Variants in CFAP299 observed in about 807,000 individuals in gnomAD.
The protein encoded by CFAP299 is cilia and flagella associated protein 299.
Under a neutral mutation model 27.0 loss-of-function variants are expected in CFAP299, and 21 were observed. That is an observed-to-expected ratio of 0.78 (90% CI 0.55 to 1.12). CFAP299 has a LOEUF of 1.12. Ranked by LOEUF, CFAP299 falls within the 50% of genes most tolerant of loss-of-function variation. The probability of loss-of-function intolerance (pLI) is 0.00; values close to 1 mark genes in which losing one functional copy is unlikely to be tolerated. For synonymous variants in CFAP299, 104 were observed against 98.1 expected, an observed-to-expected ratio of 1.06 and a Z score of -0.36; for missense variants, 310 against 276.6, an observed-to-expected ratio of 1.12 and a Z score of -0.86.
At chr4:80,687,834 C>CCGTG (rs1185221157) in intron 3 of CFAP299, among the ~76,000 whole-genome samples, 7 of 152,106 alleles carry the variant, frequency 4.6e-5, no homozygotes, top group African/African-American at 1.7e-4. Flanking sequence ...GGTGCGCGCA[C>CCGTG]CGTGCGCAAG....
intron 4 of CFAP299, among the ~76,000 whole-genome samples, chr4:80,931,113 C>T (rs928755216): frequency 7.9e-5 from 12 of 151,936 alleles, no homozygotes; most frequent in African/African-American, 2.7e-4. Flanking sequence ...ATATCCTCTC[C>T]ATTGATTTTA....
intron 2 of CFAP299, among the ~76,000 whole-genome samples, chr4:80,377,924 A>T (rs1284677480): frequency 6.6e-6 from 1 of 152,178 alleles, no homozygotes; most frequent in Non-Finnish European, 1.5e-5. Flanking sequence ...CAGTGGCAAG[A>T]CAATAATGAG....
chr4:80,857,112 T>A (rs1275757829), intron 3 of CFAP299, among the ~76,000 whole-genome samples: 1 of 152,240 alleles, frequency 6.6e-6, no homozygotes, highest in Non-Finnish European at 1.5e-5. Flanking sequence ...CTTGAAGATG[T>A]CCTTCACATC....
chr4:80,718,451 C>T (rs1041780002), intron 3 of CFAP299, among the ~76,000 whole-genome samples: 8 of 151,902 alleles, frequency 5.3e-5, no homozygotes, highest in East Asian at 1.9e-4. Context: ...GGAATTGTGC[C>T]TCTGTGTAGT....
In CFAP299 at chr4:80,884,355, A is replaced by G. The variant is rs373500374; in HGVS notation, c.476+14220A>G. On this transcript the variant is annotated intron_variant, in intron 4 of 5. Coordinates refer to ENST00000358105, the MANE Select transcript of CFAP299 (RefSeq NM_152770.3). Reference sequence around the variant, plus strand: ...ATTATGAAACTAGATATAAATAGGAATAACTTTGGAAAAACCCACAAATAA... The same window carrying G: ...ATTATGAAACTAGATATAAATAGGAGTAACTTTGGAAAAACCCACAAATAA... Among the ~76,000 whole-genome samples the G allele has an allele frequency of 7.2e-5, 11 of 152,338 alleles. No homozygotes were observed. In the East Asian group the frequency reaches 1.2e-3, roughly 16 times the overall value.
chr4:80,412,763 C>T (rs1377727038), intron 2 of CFAP299, among the ~76,000 whole-genome samples: 1 of 152,204 alleles, frequency 6.6e-6, no homozygotes, highest in Non-Finnish European at 1.5e-5. Flanking sequence ...TGCCTTGACA[C>T]ACACACACAT....
At chr4:80,337,802 T>C (rs914840629) in intron 1 of CFAP299, among the ~76,000 whole-genome samples, 11 of 152,188 alleles carry the variant, frequency 7.2e-5, no homozygotes, top group African/African-American at 2.4e-4. Context: ...TTAAGCTTAT[T>C]TTTGTTGTAC....
chr4:80,604,236 T>C (rs67865167), intron 3 of CFAP299, among the ~76,000 whole-genome samples: 37,489 of 151,928 alleles, frequency 0.25, 6,135 homozygotes, highest in African/African-American at 0.44. Flanking sequence ...TATCTTTTGA[T>C]TGTCAAAAGC....
At chr4:80,568,938 AG>A (rs1735446502) in intron 2 of CFAP299, among the ~76,000 whole-genome samples, 1 of 152,104 alleles carries the variant, frequency 6.6e-6, no homozygotes, top group Non-Finnish European at 1.5e-5. Flanking sequence ...AGCCTCAGTA[AG>A]TAAATTGTAA....
chr4:80,917,360 T>C (rs915428801), intron 4 of CFAP299, among the ~76,000 whole-genome samples: 9 of 152,190 alleles, frequency 5.9e-5, no homozygotes, highest in African/African-American at 2.2e-4. Context: ...TATTCAAAAT[T>C]CTATTATCAT....
At chr4:80,644,628 G>A (rs1739899741) in intron 3 of CFAP299, among the ~76,000 whole-genome samples, 1 of 152,174 alleles carries the variant, frequency 6.6e-6, no homozygotes, top group Non-Finnish European at 1.5e-5. Context: ...AACAATGTAA[G>A]TATTTGTCTA....
chr4:80,381,380 A>T (rs867069769), intron 2 of CFAP299, among the ~76,000 whole-genome samples: 136 of 3,868 alleles, frequency 0.035, 24 homozygotes, highest in African/African-American at 0.042. Context: ...TAACATATAC[A>T]TTTTTTTTTT....
intron 4 of CFAP299, among the ~76,000 whole-genome samples, chr4:80,916,557 A>G (rs1010328417): frequency 5.3e-5 from 8 of 151,804 alleles, no homozygotes; most frequent in Non-Finnish European, 1.2e-4. Context: ...CCAATAACCT[A>G]TATATTATAA....
chr4:80,938,944 T>C (rs1737058454), intron 4 of CFAP299, among the ~76,000 whole-genome samples: 2 of 152,180 alleles, frequency 1.3e-5, no homozygotes, highest in Non-Finnish European at 2.9e-5. Context: ...GTTTTTGTTG[T>C]TGTTGTTTTT....
At chr4:80,625,318 A>G (rs1001898325) in intron 3 of CFAP299, among the ~76,000 whole-genome samples, 5 of 152,010 alleles carry the variant, frequency 3.3e-5, no homozygotes, top group African/African-American at 1.2e-4. Context: ...AGTTGTTTTC[A>G]GCTTAAAACA....
intron 4 of CFAP299, among the ~76,000 whole-genome samples, chr4:80,890,259 C>A (rs1357186461): frequency 1.3e-5 from 2 of 151,794 alleles, no homozygotes. Context: ...CTGTTAGAAC[C>A]AATAAACAAA....
chr4:80,512,822 C>A (rs960278155), intron 2 of CFAP299, among the ~76,000 whole-genome samples: 8 of 152,016 alleles, frequency 5.3e-5, no homozygotes, highest in Admixed American at 4.6e-4. Flanking sequence ...TACATGTAGT[C>A]CCATATTTGG....
intron 2 of CFAP299, among the ~76,000 whole-genome samples, chr4:80,531,920 ATTTTGTATT>A (rs1235967777): frequency 6.6e-6 from 1 of 151,820 alleles, no homozygotes. Flanking sequence ...TGCCCAGCTA[ATTTTGTATT>A]TTTTTAGTAG....
At chr4:80,949,871 G>A (rs1737680069) in intron 5 of CFAP299, among the ~76,000 whole-genome samples, 1 of 152,052 alleles carries the variant, frequency 6.6e-6, no homozygotes. Context: ...AGAAATAACA[G>A]GATGAAAGTT....
Sources: gnomAD v4.1 joint callset for allele counts (sites outside exome capture counted in the v4.1 genomes callset) on GRCh38, gnomAD v4.1.1 for gene constraint, MANE v1.5 for transcripts, NCBI Gene and HGNC (gene_info 2026-07-23, HGNC 2026-07-21) for gene names.